TMEM108: variants seen among roughly 807,000 people sequenced by gnomAD.
TMEM108 encodes the protein transmembrane protein 108.
TMEM108 carries 12 observed loss-of-function variants against 35.1 expected under a neutral mutation model. That is an observed-to-expected ratio of 0.34 (90% confidence interval 0.22 to 0.55). The LOEUF (loss-of-function observed/expected upper bound fraction) is 0.55, where lower values mean the gene tolerates loss of function less well. Among genes scored for constraint, TMEM108 ranks in the 20% least tolerant of loss-of-function variants. TMEM108 has a pLI of 0.89. For synonymous variants in TMEM108, 287 were observed against 308.6 expected (o/e 0.93, Z 0.73); for missense variants, 680 against 753.3 (o/e 0.90, Z 1.14).
chr3:133,179,376 A>G (rs370362621), intron 2 of TMEM108, among the ~76,000 whole-genome samples: 1 of 152,212 alleles, frequency 6.6e-6, no homozygotes, highest in Non-Finnish European at 1.5e-5. Flanking sequence ...TTGTGGCACT[A>G]TTCACAATAG....
intron 3 of TMEM108, among the ~76,000 whole-genome samples, chr3:133,352,993 A>G (rs2072051641): frequency 1.3e-5 from 2 of 152,166 alleles, no homozygotes; most frequent in South Asian, 2.1e-4. Flanking sequence ...GAGGCTTTCC[A>G]GGAGCCCCCA....
At chr3:133,231,255 A>T (rs1445118870) in intron 3 of TMEM108, among the ~76,000 whole-genome samples, 1 of 152,160 alleles carries the variant, frequency 6.6e-6, no homozygotes, top group African/African-American at 2.4e-5. Flanking sequence ...TTTAATTTGG[A>T]TAAAAAATCA....
At chr3:133,144,193 A>G (rs753570996) in intron 2 of TMEM108, among the ~76,000 whole-genome samples, 13 of 152,064 alleles carry the variant, frequency 8.5e-5, no homozygotes, top group Admixed American at 2.0e-4. Context: ...TCGCTATTCA[A>G]CTTCCACTTA....
At chr3:133,358,555 T>G (rs918950943) in intron 3 of TMEM108, among the ~76,000 whole-genome samples, 3 of 152,136 alleles carry the variant, frequency 2.0e-5, no homozygotes, top group African/African-American at 7.2e-5. Context: ...CATGAGAATG[T>G]GCTGCACGGA....
intron 2 of TMEM108, among the ~76,000 whole-genome samples, chr3:133,224,857 A>G (rs1946045459): frequency 6.6e-6 from 1 of 151,976 alleles, no homozygotes; most frequent in Non-Finnish European, 1.5e-5. Context: ...CTTAACATTC[A>G]TGGGGCATCT....
chr3:133,351,557 G>A (rs2107770914), intron 3 of TMEM108, among the ~76,000 whole-genome samples: 1 of 152,256 alleles, frequency 6.6e-6, no homozygotes, highest in African/African-American at 2.4e-5. Context: ...TGGGAAGGCT[G>A]AGGGAGGATG....
chr3:133,167,580 G>A (rs373380950), intron 2 of TMEM108, among the ~76,000 whole-genome samples: 15 of 152,246 alleles, frequency 9.9e-5, no homozygotes, highest in South Asian at 6.2e-4. Flanking sequence ...AGCATGGCAC[G>A]GGTGGGCCGG....
chr3:133,376,080 G>A (rs1431686041), intron 3 of TMEM108, among the ~76,000 whole-genome samples: 1 of 152,194 alleles, frequency 6.6e-6, no homozygotes, highest in Non-Finnish European at 1.5e-5. Flanking sequence ...ATAGCTGAGT[G>A]GGGGAAATAG....
At chr3:133,370,995 A>T (rs2072651354) in intron 3 of TMEM108, among the ~76,000 whole-genome samples, 1 of 151,016 alleles carries the variant, frequency 6.6e-6, no homozygotes, top group Non-Finnish European at 1.5e-5. Flanking sequence ...GCTGTTGATC[A>T]GAGAAATCAT....
chr3:133,293,288 C>A (rs139152182), intron 3 of TMEM108, among the ~76,000 whole-genome samples: 105 of 151,934 alleles, frequency 6.9e-4, no homozygotes, highest in African/African-American at 2.5e-3. Flanking sequence ...TTTAGCACTT[C>A]TCTCCATGAA....
At chr3:133,386,734 C>T in intron 4 of TMEM108, 1 of 1,310,224 alleles carries the variant, frequency 7.6e-7, no homozygotes. Flanking sequence ...TAGAGCTGCG[C>T]AGTTTACAAA....
chr3:133,145,730 G>A (rs1028112768), intron 2 of TMEM108, among the ~76,000 whole-genome samples: 1 of 152,166 alleles, frequency 6.6e-6, no homozygotes, highest in Non-Finnish European at 1.5e-5. Flanking sequence ...TGTAGCAATT[G>A]TGAATAAGAG....
chr3:133,208,199 G>T (rs1945786231), intron 2 of TMEM108, among the ~76,000 whole-genome samples: 1 of 152,132 alleles, frequency 6.6e-6, no homozygotes, highest in Admixed American at 6.5e-5. Context: ...TGATTCAGTG[G>T]GTCTGAGGTA....
At chr3:133,377,553 G>A (rs974472672) in intron 3 of TMEM108, among the ~76,000 whole-genome samples, 8 of 152,202 alleles carry the variant, frequency 5.3e-5, no homozygotes, top group African/African-American at 1.7e-4. Flanking sequence ...TCCACATGTT[G>A]CCTAATCTCC....
At chr3:133,343,509 G>T (rs2071725303) in intron 3 of TMEM108, among the ~76,000 whole-genome samples, 1 of 151,844 alleles carries the variant, frequency 6.6e-6, no homozygotes, top group Admixed American at 6.6e-5. Flanking sequence ...AACAAACTGT[G>T]GTACAATCAT....
intron 2 of TMEM108, among the ~76,000 whole-genome samples, chr3:133,189,161 T>C (rs1945463359): frequency 6.6e-6 from 1 of 152,234 alleles, no homozygotes; most frequent in African/African-American, 2.4e-5. Flanking sequence ...TGTACTTGCA[T>C]ATGTACTCCT....
chr3:133,394,914 A>T (rs2073284160), intron 5 of TMEM108, among the ~76,000 whole-genome samples: 2 of 152,274 alleles, frequency 1.3e-5, no homozygotes, highest in South Asian at 4.1e-4. Flanking sequence ...GGCATGAGCC[A>T]GTATACCTAG....
At chr3:133,080,336 A>G (rs1352572370) in intron 2 of TMEM108, among the ~76,000 whole-genome samples, 2 of 152,166 alleles carry the variant, frequency 1.3e-5, no homozygotes, top group South Asian at 2.1e-4. Context: ...TTGAGTTGTG[A>G]TTAACTTCCA....
chr3:133,044,361 ACT>A (rs904263853), intron 1 of TMEM108, among the ~76,000 whole-genome samples: 11 of 152,092 alleles, frequency 7.2e-5, no homozygotes, highest in Admixed American at 2.0e-4. Context: ...AAATCCTGTG[ACT>A]CTAAGAAATT....
Sources: gnomAD v4.1 joint callset for allele counts (sites outside exome capture counted in the v4.1 genomes callset) on GRCh38, gnomAD v4.1.1 for gene constraint, MANE v1.5 for transcripts, NCBI Gene and HGNC (gene_info 2026-07-23, HGNC 2026-07-21) for gene names.